PTPN9: variants seen among roughly 807,000 people sequenced by gnomAD.
PTPN9 encodes the protein protein tyrosine phosphatase non-receptor type 9.
A neutral mutation model predicts 69.8 loss-of-function variants in PTPN9; 26 were observed. That is an observed-to-expected ratio of 0.37 (90% CI 0.27 to 0.52). PTPN9 has a LOEUF of 0.52. Ranked by LOEUF, PTPN9 falls within the 20% of genes least tolerant of loss-of-function variation. PTPN9 has a pLI of 0.91. For synonymous variants in PTPN9, 274 were observed against 272.5 expected (o/e 1.01, Z -0.05); for missense variants, 549 against 740.3 (o/e 0.74, Z 3.00).
Position 75,549,850 on chromosome 15 carries a change from T to C in PTPN9, c.64-22589A>G, listed in dbSNP as rs183414867. On this transcript the variant is annotated intron_variant, in intron 1 of 12. Coordinates refer to ENST00000618819, the MANE Select transcript of PTPN9 (RefSeq NM_002833.4). ...TTAGCCAGGTGTGGTAAAGCATGCC[T>C]ATAGTCCCAGCTACTCGGGAGGCTG... Among the ~76,000 whole-genome samples, 20 of 152,164 alleles carry C rather than the reference T, an allele frequency of 1.3e-4. No individual in the cohort carries two copies. The East Asian group carries it at 3.9e-3, about 29-fold the overall frequency.
chr15:75,476,324 G>GT (rs1339243988), intron 9 of PTPN9, among the ~76,000 whole-genome samples: 3 of 151,732 alleles, frequency 2.0e-5, no homozygotes, highest in South Asian at 2.1e-4. Flanking sequence ...GTTTAGTTTT[G>GT]TTTTTTTTGA....
chr15:75,540,976 G>A (rs1286102438), intron 1 of PTPN9, among the ~76,000 whole-genome samples: 1 of 151,922 alleles, frequency 6.6e-6, no homozygotes, highest in Non-Finnish European at 1.5e-5. Context: ...GTACTCAGGA[G>A]GCTGAGGTAG....
At chr15:75,504,690 G>A (rs2074805479) in intron 7 of PTPN9, among the ~76,000 whole-genome samples, 2 of 145,538 alleles carry the variant, frequency 1.4e-5, no homozygotes, top group African/African-American at 5.1e-5. Flanking sequence ...GAGGGAGGTG[G>A]GGGGGTCAGC....
At chr15:75,524,376 TCA>T (rs2074918409) in intron 2 of PTPN9, 78 bp from the exon 3 acceptor site, 1 of 803,140 alleles carries the variant, frequency 1.2e-6, no homozygotes, top group East Asian at 2.6e-5. Flanking sequence ...CCACCAAATC[TCA>T]GAGATAAGGT....
chr15:75,493,522 A>G (rs1007152052), intron 7 of PTPN9, among the ~76,000 whole-genome samples: 1 of 152,114 alleles, frequency 6.6e-6, no homozygotes, highest in Admixed American at 6.6e-5. Context: ...GCACTTTGGG[A>G]GGCTGGGGTG....
chr15:75,576,047 T>C (rs1465496990), intron 1 of PTPN9, among the ~76,000 whole-genome samples: 2 of 145,844 alleles, frequency 1.4e-5, no homozygotes, highest in African/African-American at 2.6e-5. Context: ...TCCTCCAACA[T>C]GGTGAAACCC....
At chr15:75,491,418 T>A (rs868852150) in intron 7 of PTPN9, among the ~76,000 whole-genome samples, 76 of 135,732 alleles carry the variant, frequency 5.6e-4, no homozygotes, top group South Asian at 9.7e-4. Context: ...AAAAAAAAAA[T>A]AATTAAATTT....
At position 75,532,056 on chromosome 15, in the gene PTPN9, T is replaced by C. The variant is rs183379924; in HGVS notation, c.64-4795A>G. 2.3e-3 allele frequency among the ~76,000 whole-genome samples: 346 copies of C among 152,244 alleles called. 1 individual carries two copies. The highest frequency in any genetic ancestry group is 7.9e-3 in the African/African-American group (328 of 41,552). The stretch of plus-strand genomic sequence containing the variant: ...TATAAGTAGAAGTGGAAAATGTAAA[T>C]GACCAAGAGGTGATATGAACTCATC... On this transcript the variant is annotated intron_variant, in intron 1 of 12. Transcript: ENST00000618819.
At chr15:75,570,927 T>C (rs2075145584) in intron 1 of PTPN9, among the ~76,000 whole-genome samples, 1 of 152,150 alleles carries the variant, frequency 6.6e-6, no homozygotes, top group Non-Finnish European at 1.5e-5. Context: ...CCCCTTGTAA[T>C]TGGCTTAAGC....
chr15:75,543,173 A>G (rs2075016814), intron 1 of PTPN9, among the ~76,000 whole-genome samples: 3 of 152,074 alleles, frequency 2.0e-5, no homozygotes, highest in Admixed American at 6.6e-5. Context: ...TACAAAGGAC[A>G]TGAACTCATC....
chr15:75,521,205 G>A (rs1449316009), intron 4 of PTPN9, among the ~76,000 whole-genome samples: 5 of 151,042 alleles, frequency 3.3e-5, no homozygotes, highest in Non-Finnish European at 5.9e-5. Context: ...CAACACTTTG[G>A]GAGGCTGAGG....
At chr15:75,522,722 T>C (rs546593816) in intron 4 of PTPN9, among the ~76,000 whole-genome samples, 1 of 152,108 alleles carries the variant, frequency 6.6e-6, no homozygotes, top group South Asian at 2.1e-4. Context: ...GAATGTTGAG[T>C]CTCAAAATCC....
Position 75,543,840 on chromosome 15 carries a change from A to G in PTPN9, c.64-16579T>C, listed in dbSNP as rs1356673626. Among the ~76,000 whole-genome samples, 37 of 152,194 alleles carry G rather than the reference A, an allele frequency of 2.4e-4. 1 individual carries two copies. Among genetic ancestry groups the G allele is most frequent in the Admixed American group, 2.3e-3 (35 of 15,276 alleles). On this transcript the variant is annotated intron_variant, in intron 1 of 12. Coordinates refer to ENST00000618819, the MANE Select transcript of PTPN9 (RefSeq NM_002833.4). Reference sequence around the variant, plus strand: ...TTTGAAACTATGCCACCAAACAATAATAAGTTTGTTGGTAATCTTCATTTC... The same window carrying G: ...TTTGAAACTATGCCACCAAACAATAGTAAGTTTGTTGGTAATCTTCATTTC...
intron 1 of PTPN9, among the ~76,000 whole-genome samples, chr15:75,575,744 C>T (rs1671529438): frequency 1.3e-5 from 2 of 149,016 alleles, no homozygotes; most frequent in African/African-American, 4.9e-5. Flanking sequence ...ATGGGGAAAC[C>T]CCGTCTCTAC....
At chr15:75,561,936 A>G (rs1451950747) in intron 1 of PTPN9, among the ~76,000 whole-genome samples, 1 of 152,066 alleles carries the variant, frequency 6.6e-6, no homozygotes, top group African/African-American at 2.4e-5. Context: ...TCGAACTCCC[A>G]ACCTCAGGTA....
rs373219670 is a variant in PTPN9, at chr15:75,530,545, TTATAA to T, written c.64-3289_64-3285del. Among the ~76,000 whole-genome samples, 63 of 34,582 alleles carry T rather than the reference TTATAA, an allele frequency of 1.8e-3. 1 individual carries two copies. The highest frequency in any genetic ancestry group is 0.019 in the Middle Eastern group (1 of 52). The allele number at this position is 34,582 out of a possible 152,430, so 22.7% of individuals were successfully genotyped here. On this transcript the variant is annotated intron_variant, in intron 1 of 12. Coordinates refer to ENST00000618819, the MANE Select transcript of PTPN9 (RefSeq NM_002833.4). The stretch of plus-strand genomic sequence containing the variant: ...TAATTTATTATATAATATTATTATA[TTATAA>T]TATATTATATATTATTATATTATAA...
intron 1 of PTPN9, among the ~76,000 whole-genome samples, chr15:75,563,954 T>TA (rs1375691456): frequency 3.3e-5 from 5 of 152,134 alleles, no homozygotes; most frequent in African/African-American, 7.2e-5. Context: ...AAAGAATTGA[T>TA]AAAAAATAAC....
intron 9 of PTPN9, among the ~76,000 whole-genome samples, chr15:75,476,003 G>A (rs1209329602): frequency 1.3e-5 from 2 of 152,062 alleles, no homozygotes; most frequent in Non-Finnish European, 2.9e-5. Context: ...GCCAGGTGTA[G>A]TAGCACATGC....
intron 1 of PTPN9, among the ~76,000 whole-genome samples, chr15:75,566,966 G>A (rs116713482): frequency 0.017 from 2,624 of 152,046 alleles, 78 homozygotes; most frequent in African/African-American, 0.059. Context: ...TTCCAGCCTC[G>A]GCAACAGAAA....
Sources: gnomAD v4.1 joint callset for allele counts (sites outside exome capture counted in the v4.1 genomes callset) on GRCh38, gnomAD v4.1.1 for gene constraint, MANE v1.5 for transcripts, NCBI Gene and HGNC (gene_info 2026-07-23, HGNC 2026-07-21) for gene names.